Variants in GLIS3 observed in about 807,000 individuals in gnomAD.
GLIS3 encodes the protein zinc finger protein GLIS3.
In GLIS3, 53 loss-of-function variants were observed where a neutral mutation model predicts 78.6. That is an observed-to-expected ratio of 0.67 (90% confidence interval 0.54 to 0.85). The LOEUF (loss-of-function observed/expected upper bound fraction) is 0.85. GLIS3 is among the 40% of genes least tolerant of loss of function. The pLI, the probability that GLIS3 is intolerant of heterozygous loss-of-function variation, is 0.00. For missense variants in GLIS3, 1,703 were observed against 1,231.1 expected (o/e 1.38, Z -5.74); for synonymous variants, 684 against 509.9 (o/e 1.34, Z -4.60).
intron 4 of GLIS3, among the ~76,000 whole-genome samples, chr9:4,059,654 A>C (rs1366377930): frequency 6.6e-6 from 1 of 152,158 alleles, no homozygotes; most frequent in Non-Finnish European, 1.5e-5. Flanking sequence ...TAAACAGCCA[A>C]CATGTGGCCA....
At chr9:4,035,756 C>A (rs1824246111) in intron 4 of GLIS3, 1 of 152,392 alleles carries the variant, frequency 6.6e-6, no homozygotes, top group Non-Finnish European at 1.5e-5. Flanking sequence ...TCCTGTCTTG[C>A]CTTCCACCAC....
intron 4 of GLIS3, among the ~76,000 whole-genome samples, chr9:4,098,878 A>G (rs62521721): frequency 0.091 from 13,829 of 152,254 alleles, 713 homozygotes; most frequent in Non-Finnish European, 0.12. Flanking sequence ...TGCAGAGCTC[A>G]AAGTAGGAGA....
intron 2 of GLIS3, among the ~76,000 whole-genome samples, chr9:4,143,550 G>C (rs1055545412): frequency 3.4e-5 from 5 of 147,890 alleles, no homozygotes; most frequent in African/African-American, 5.0e-5. Context: ...CTGGGCGACA[G>C]AGCAAGACTG....
chr9:4,465,448 C>T, the GLIS3 span, among the ~76,000 whole-genome samples: 8 of 152,074 alleles, frequency 5.3e-5, no homozygotes, highest in South Asian at 2.1e-4. Flanking sequence ...ACTAGGGAGG[C>T]GGAGGCACAA....
intron 4 of GLIS3, among the ~76,000 whole-genome samples, chr9:4,008,473 A>C (rs1278909636): frequency 6.6e-6 from 1 of 152,160 alleles, no homozygotes; most frequent in Admixed American, 6.5e-5. Flanking sequence ...TCCAGCCCCT[A>C]CTAAGACCCC....
At chr9:4,187,854 G>A (rs1338631369) in intron 2 of GLIS3, among the ~76,000 whole-genome samples, 1 of 152,098 alleles carries the variant, frequency 6.6e-6, no homozygotes, top group Non-Finnish European at 1.5e-5. Context: ...TTTGTATCCT[G>A]AGACTTTGCT....
At chr9:4,359,900 T>C in the GLIS3 span, among the ~76,000 whole-genome samples, 1 of 152,124 alleles carries the variant, frequency 6.6e-6, no homozygotes, top group Non-Finnish European at 1.5e-5. Context: ...ATGTTAAGTA[T>C]ATAACATATA....
chr9:4,447,100 T>C, the GLIS3 span, among the ~76,000 whole-genome samples: 1 of 152,110 alleles, frequency 6.6e-6, no homozygotes, highest in South Asian at 2.1e-4. Context: ...TAGTCTGGAA[T>C]TCAGTGGCAC....
At chr9:4,444,861 G>T in the GLIS3 span, among the ~76,000 whole-genome samples, 2 of 152,154 alleles carry the variant, frequency 1.3e-5, no homozygotes, top group Non-Finnish European at 2.9e-5. Context: ...TCTGAAAAGA[G>T]GTAAGTGAAA....
At chr9:4,446,504 AT>A in the GLIS3 span, among the ~76,000 whole-genome samples, 4,279 of 124,108 alleles carry the variant, frequency 0.034, 66 homozygotes, top group African/African-American at 0.077. Context: ...AAATATCCAA[AT>A]TTTTTTTTTT....
chr9:4,318,454 A>C (rs1223064318), intron 2 of GLIS3, among the ~76,000 whole-genome samples: 1 of 152,206 alleles, frequency 6.6e-6, no homozygotes, highest in Non-Finnish European at 1.5e-5. Flanking sequence ...AGCCGTAAGC[A>C]TCTTGTGACA....
chr9:4,210,846 C>A (rs1820312750), intron 2 of GLIS3, among the ~76,000 whole-genome samples: 1 of 152,222 alleles, frequency 6.6e-6, no homozygotes, highest in African/African-American at 2.4e-5. Context: ...TCTTGTCCCC[C>A]AACTTGGAAT....
chr9:4,368,508 C>T, the GLIS3 span, among the ~76,000 whole-genome samples: 23 of 152,206 alleles, frequency 1.5e-4, no homozygotes, highest in East Asian at 1.9e-4. Flanking sequence ...CCACCACGCC[C>T]GGCTAATTTT....
At chr9:4,399,025 T>G in the GLIS3 span, among the ~76,000 whole-genome samples, 1 of 152,172 alleles carries the variant, frequency 6.6e-6, no homozygotes, top group Non-Finnish European at 1.5e-5. Context: ...CTGCTCTGCT[T>G]TCATATATTT....
At chr9:4,252,768 T>C (rs1490612385) in intron 2 of GLIS3, among the ~76,000 whole-genome samples, 1 of 152,228 alleles carries the variant, frequency 6.6e-6, no homozygotes, top group Non-Finnish European at 1.5e-5. Context: ...TGGTCTTTGA[T>C]GTTGGTGACC....
intron 2 of GLIS3, among the ~76,000 whole-genome samples, chr9:4,261,782 A>C (rs1001467637): frequency 2.0e-5 from 3 of 152,212 alleles, no homozygotes; most frequent in African/African-American, 7.2e-5. Flanking sequence ...GCACTGCCTC[A>C]CAAACCCATG....
At chr9:3,925,399 T>C (rs560840315) in intron 6 of GLIS3, among the ~76,000 whole-genome samples, 2 of 152,252 alleles carry the variant, frequency 1.3e-5, no homozygotes, top group Non-Finnish European at 2.9e-5. Context: ...CTGTACTGAG[T>C]ACAGCAGGTC....
intron 2 of GLIS3, among the ~76,000 whole-genome samples, chr9:4,204,705 C>G (rs540961297): frequency 1.8e-4 from 27 of 151,906 alleles, no homozygotes; most frequent in African/African-American, 5.8e-4. Context: ...ACTGCCTGAG[C>G]TCAGGAGTTT....
At chr9:4,307,550 A>G (rs1817259787) in intron 4 of GLIS3, among the ~76,000 whole-genome samples, 1 of 151,730 alleles carries the variant, frequency 6.6e-6, no homozygotes, top group Non-Finnish European at 1.5e-5. Context: ...CATCCCAACA[A>G]AAAAAAATCC....
Sources: allele counts gnomAD v4.1 joint callset (sites outside exome capture counted in the v4.1 genomes callset), GRCh38; gene constraint gnomAD v4.1.1; transcripts MANE v1.5; gene names NCBI Gene and HGNC (gene_info 2026-07-23, HGNC 2026-07-21).